RAB38: variants seen among roughly 807,000 people sequenced by gnomAD.
RAB38 encodes ras-related protein Rab-38.
A neutral mutation model predicts 18.4 loss-of-function variants in RAB38; 15 were observed. The observed-to-expected ratio is 0.82, with a 90% CI of 0.55 to 1.26. The LOEUF is 1.26. RAB38 is among the 50% of genes most tolerant of loss of function. The probability of loss-of-function intolerance (pLI) is 0.00; values close to 1 mark genes in which losing one functional copy is unlikely to be tolerated. For synonymous variants in RAB38, 101 were observed against 104.4 expected (o/e 0.97, Z 0.20); for missense variants, 294 against 267.4 (o/e 1.10, Z -0.69).
the RAB38 span, among the ~76,000 whole-genome samples, chr11:87,923,290 A>G: frequency 1.3e-5 from 2 of 151,958 alleles, no homozygotes; most frequent in African/African-American, 4.8e-5. Context: ...GCAATAGCTA[A>G]GTGGAAATGC....
At chr11:87,882,388 G>T in the RAB38 span, among the ~76,000 whole-genome samples, 1 of 151,780 alleles carries the variant, frequency 6.6e-6, no homozygotes, top group Non-Finnish European at 1.5e-5. Context: ...AAATATCTGC[G>T]CCCCATCAGT....
the RAB38 span, among the ~76,000 whole-genome samples, chr11:87,822,406 C>A: frequency 6.6e-6 from 1 of 152,136 alleles, no homozygotes; most frequent in Non-Finnish European, 1.5e-5. Context: ...TTTCTGTGGG[C>A]CAAGAATCTG....
chr11:88,100,108 A>G, the RAB38 span: 1 of 151,930 alleles, frequency 6.6e-6, no homozygotes, highest in African/African-American at 2.4e-5. Context: ...CATCTTAGAA[A>G]AAGTGTTTAA....
the RAB38 span, among the ~76,000 whole-genome samples, chr11:88,075,732 T>G: frequency 6.6e-6 from 1 of 151,872 alleles, no homozygotes; most frequent in African/African-American, 2.4e-5. Context: ...AATACAAAAA[T>G]TAGCCAGGCA....
At chr11:88,087,057 A>T in the RAB38 span, among the ~76,000 whole-genome samples, 4 of 151,936 alleles carry the variant, frequency 2.6e-5, no homozygotes, top group Non-Finnish European at 5.9e-5. Flanking sequence ...CAGGTAAAGG[A>T]GATGCAGAAA....
the RAB38 span, among the ~76,000 whole-genome samples, chr11:88,072,910 T>A: frequency 6.6e-6 from 1 of 152,076 alleles, no homozygotes. Flanking sequence ...GTCAGGAACA[T>A]CCCAGAACTT....
chr11:88,119,249 G>T (rs1388448684), intron 2 of RAB38, among the ~76,000 whole-genome samples: 2 of 151,814 alleles, frequency 1.3e-5, no homozygotes, highest in African/African-American at 2.4e-5. Flanking sequence ...TCCCAGTTAG[G>T]CATGGTGATG....
the RAB38 span, among the ~76,000 whole-genome samples, chr11:87,950,451 G>A: frequency 6.6e-6 from 1 of 151,942 alleles, no homozygotes; most frequent in East Asian, 1.9e-4. Context: ...GTTATTTTGT[G>A]CATTAATTAA....
Position 88,160,730 on chromosome 11 carries a change from A to T in RAB38, c.203-10775T>A, listed in dbSNP as rs148068091. On this transcript the variant is annotated intron_variant, in intron 1 of 2. Transcript: ENST00000243662. ...TTACCCTAAGTGAATTAATGCAGGA[A>T]CAGAAAACTAAATACTGCATGTCCT... is the stretch of plus-strand genomic sequence containing the variant. 2.0e-3 allele frequency among the ~76,000 whole-genome samples: 312 copies of T among 152,272 alleles called. 3 individuals carry two copies. The highest frequency in any genetic ancestry group is 7.0e-3 in the African/African-American group (292 of 41,560).
intron 2 of RAB38, among the ~76,000 whole-genome samples, chr11:88,148,511 C>G (rs887479963): frequency 6.6e-6 from 1 of 152,160 alleles, no homozygotes. Flanking sequence ...CCCTCCAATC[C>G]GTCTTCTATA....
At chr11:87,947,251 T>C in the RAB38 span, among the ~76,000 whole-genome samples, 2 of 151,646 alleles carry the variant, frequency 1.3e-5, no homozygotes, top group Non-Finnish European at 2.9e-5. Context: ...TTTTTTCTTG[T>C]AAATTTGTTT....
At chr11:88,075,051 A>G in the RAB38 span, among the ~76,000 whole-genome samples, 1 of 152,216 alleles carries the variant, frequency 6.6e-6, no homozygotes, top group African/African-American at 2.4e-5. Context: ...ACCCAAATAT[A>G]CAAATTAATT....
chr11:88,122,194 G>A (rs773468813), intron 2 of RAB38, among the ~76,000 whole-genome samples: 2 of 151,978 alleles, frequency 1.3e-5, no homozygotes, highest in South Asian at 2.1e-4. Context: ...TACTATTCCC[G>A]AGATACATTT....
the RAB38 span, among the ~76,000 whole-genome samples, chr11:88,086,128 A>G: frequency 6.6e-6 from 1 of 151,938 alleles, no homozygotes; most frequent in African/African-American, 2.4e-5. Context: ...AGATTAAGTG[A>G]CAATGTAGGC....
the RAB38 span, among the ~76,000 whole-genome samples, chr11:88,039,677 G>T: frequency 6.6e-6 from 1 of 152,204 alleles, no homozygotes; most frequent in South Asian, 2.1e-4. Flanking sequence ...CCTGACTGGC[G>T]AGGTAGGCTC....
chr11:87,838,096 A>T, the RAB38 span, among the ~76,000 whole-genome samples: 1 of 151,620 alleles, frequency 6.6e-6, no homozygotes, highest in South Asian at 2.1e-4. Flanking sequence ...AAAGGCTTAC[A>T]TTCTTTTTTT....
chr11:87,836,305 C>G, the RAB38 span, among the ~76,000 whole-genome samples: 150 of 152,284 alleles, frequency 9.9e-4, no homozygotes, highest in African/African-American at 3.5e-3. Context: ...ATATATTTCT[C>G]TTTAATCTGT....
the RAB38 span, among the ~76,000 whole-genome samples, chr11:87,931,926 A>T: frequency 6.6e-6 from 1 of 151,710 alleles, no homozygotes; most frequent in Non-Finnish European, 1.5e-5. Flanking sequence ...GGATATTTGG[A>T]CAATGCACAG....
the RAB38 span, among the ~76,000 whole-genome samples, chr11:88,040,423 G>A: frequency 6.6e-6 from 1 of 152,060 alleles, no homozygotes; most frequent in Non-Finnish European, 1.5e-5. Context: ...CCTTTAAACA[G>A]CTTATTTTCA....
Sources: gnomAD v4.1 joint callset for allele counts (sites outside exome capture counted in the v4.1 genomes callset) on GRCh38, gnomAD v4.1.1 for gene constraint, MANE v1.5 for transcripts, NCBI Gene and HGNC (gene_info 2026-07-23, HGNC 2026-07-21) for gene names.